Variants in RALA observed in about 807,000 individuals in gnomAD.
RALA encodes the protein RAS like proto-oncogene A.
RALA carries 5 observed loss-of-function variants against 24.0 expected under a neutral mutation model. The ratio of observed to expected loss-of-function variants is 0.21; its 90% CI spans 0.11 to 0.44. RALA has a LOEUF of 0.44. RALA is among the 20% of genes least tolerant of loss of function. The pLI is 0.99. For synonymous variants in RALA, 77 were observed against 83.8 expected, an observed-to-expected ratio of 0.92 and a Z score of 0.44; for missense variants, 95 against 241.2, an observed-to-expected ratio of 0.39 and a Z score of 4.01.
At chr7:39,696,205 A>G (rs940996633) in intron 3 of RALA, among the ~76,000 whole-genome samples, 9 of 152,204 alleles carry the variant, frequency 5.9e-5, no homozygotes, top group Admixed American at 5.9e-4. Context: ...TTGGGTTTTG[A>G]AAAACAATTG....
At position 39,678,366 on chromosome 7, in the gene RALA, C is replaced by A. The variant is rs146391114; in HGVS notation, c.-37-8265C>A. 3.9e-4 allele frequency among the ~76,000 whole-genome samples: 59 copies of A among 152,252 alleles called. 1 individual carries two copies. The East Asian group carries it at 0.011, about 28-fold the overall frequency. ...ATACAAGGGCAGGATTCCATAGCCT[C>A]AGCACCTAGCACAGTGCCTTACGTA... On this transcript the variant is annotated intron_variant, in intron 1 of 4. Coordinates refer to ENST00000005257, the MANE Select transcript of RALA (RefSeq NM_005402.4).
In RALA at chr7:39,687,673, T is replaced by C. The variant is rs1752202577; in HGVS notation, c.114+892T>C. Among the ~76,000 whole-genome samples, 2 of 152,204 alleles carry C rather than the reference T, an allele frequency of 1.3e-5. 1 individual carries two copies. The highest frequency in any genetic ancestry group is 3.9e-4 in the East Asian group (2 of 5,190). Reference sequence around the variant, plus strand: ...CAAGTCTTAATGATTTAAGAGTTGGTAATCCAATGTAAGCATTTATCCTCA... The same window carrying C: ...CAAGTCTTAATGATTTAAGAGTTGGCAATCCAATGTAAGCATTTATCCTCA... On this transcript the variant is annotated intron_variant, in intron 2 of 4. Transcript: ENST00000005257.
rs1388747981 is a variant in RALA at position 39,674,090 on chromosome 7, A to G, written c.-37-12541A>G. 6.3e-4 allele frequency among the ~76,000 whole-genome samples: 87 copies of G among 137,466 alleles called. 2 individuals are homozygous for G. Among genetic ancestry groups the G allele is most frequent in the Non-Finnish European group, 6.5e-5 (4 of 61,428 alleles). The allele number at this position is 137,466 out of a possible 152,430, so 90.2% of individuals were successfully genotyped here. On this transcript the variant is annotated intron_variant, in intron 1 of 4. Transcript: ENST00000005257. ...ATAAATAAATAAATAAATAAATAAAAGGTTGAGGGGGGGTGGTCTTACTCT... is the reference window on the plus strand; with the variant it reads ...ATAAATAAATAAATAAATAAATAAAGGGTTGAGGGGGGGTGGTCTTACTCT...
chr7:39,640,298 A>G (rs1791790045), intron 1 of RALA, among the ~76,000 whole-genome samples: 2 of 152,192 alleles, frequency 1.3e-5, no homozygotes, highest in African/African-American at 2.4e-5. Flanking sequence ...TGGCCTCCCA[A>G]AGTGCTGGGA....
intron 4 of RALA, chr7:39,700,466 G>A (rs183667311): frequency 4.6e-5 from 7 of 152,438 alleles, no homozygotes; most frequent in African/African-American, 9.6e-5. Context: ...ATGTGTGCTA[G>A]TTTAGGCTTC....
intron 1 of RALA, among the ~76,000 whole-genome samples, chr7:39,625,071 T>C (rs538372452): frequency 1.3e-5 from 2 of 152,312 alleles, no homozygotes; most frequent in East Asian, 1.9e-4. Flanking sequence ...TATGACTGTT[T>C]CTATGCAGTA....
rs891010530 is a variant in RALA, at chr7:39,706,506, TTTC to T, written c.*264_*266del. 1.5e-5 allele frequency: 4 copies of T among 269,390 alleles called. No individual in the cohort carries two copies. The highest frequency in any genetic ancestry group is 9.0e-5 in the African/African-American group (4 of 44,478). The allele number at this position is 269,390 out of a possible 1,614,324, so 16.7% of individuals were successfully genotyped here. A position where few individuals can be genotyped will look rare whatever the true frequency, so the allele number is the denominator to read the frequency against. On this transcript the variant is annotated 3_prime_UTR_variant, in exon 5 of 5. Coordinates refer to ENST00000005257, the MANE Select transcript of RALA (RefSeq NM_005402.4). ...CCTGAATGTAGCGTGTAAGCTTGTG[TTTC>T]TTGGGCAGTCTTTCTTGAAATTGAA... is the stretch of plus-strand genomic sequence containing the variant.
chr7:39,635,765 T>A (rs1363696147), intron 1 of RALA, among the ~76,000 whole-genome samples: 3 of 152,196 alleles, frequency 2.0e-5, no homozygotes, highest in African/African-American at 7.2e-5. Flanking sequence ...TATGAGAATC[T>A]AATGCCACCA....
At chr7:39,647,905 G>A (rs1324588236) in intron 1 of RALA, among the ~76,000 whole-genome samples, 1 of 152,176 alleles carries the variant, frequency 6.6e-6, no homozygotes, top group East Asian at 1.9e-4. Flanking sequence ...CTGCTTTTCA[G>A]TGTTATTATT....
chr7:39,681,326 T>TTTTTTTTTTTTTTA (rs1279349260), intron 1 of RALA, among the ~76,000 whole-genome samples: 1 of 119,206 alleles, frequency 8.4e-6, no homozygotes, highest in Non-Finnish European at 1.8e-5. Context: ...TTTTTTTTTT[T>TTTTTTTTTTTTTTA]TTTTTTTTTG....
At position 39,696,786 on chromosome 7, in the gene RALA, C is replaced by CA. The variant is rs2116098779; in HGVS notation, c.431dup (p.Asn144LysfsTer4). On this transcript the variant is annotated frameshift_variant, in exon 4 of 5. Coordinates refer to ENST00000005257, the MANE Select transcript of RALA (RefSeq NM_005402.4). LOFTEE classifies it high-confidence loss of function. The stretch of plus-strand genomic sequence containing the variant: ...AAAAGACAGGTTTCTGTAGAAGAGG[C>CA]AAAAAACAGAGCTGAGCAGTGGAAT... 6.2e-7 allele frequency: 1 copy of CA among 1,612,954 alleles called. No homozygotes were observed. The highest frequency in any genetic ancestry group is 8.5e-7 in the Non-Finnish European group (1 of 1,179,544).
In RALA at chr7:39,699,140, T is replaced by TTA. The variant is rs1219173285; in HGVS notation, c.498+2282_498+2283insAT. 1.3e-4 allele frequency among the ~76,000 whole-genome samples: 16 copies of TTA among 127,054 alleles called. 1 individual carries two copies. The highest frequency in any genetic ancestry group is 3.4e-5 in the Non-Finnish European group (2 of 59,398). 83.4% of individuals were successfully genotyped at this position (127,054 alleles called of 152,430 possible). A position where few individuals can be genotyped will look rare whatever the true frequency, so the allele number is the denominator to read the frequency against. ...AATGTTATTTTTTTTTTTTTTTTTTTTTTTTTTTTTTGAGACGGAGTCTCG... is the reference window on the plus strand; with the variant it reads ...AATGTTATTTTTTTTTTTTTTTTTTTTATTTTTTTTTTTGAGACGGAGTCTCG... On this transcript the variant is annotated intron_variant, in intron 4 of 4. Transcript: ENST00000005257.
chr7:39,632,182 C>T (rs1028645380), intron 1 of RALA, among the ~76,000 whole-genome samples: 3 of 152,232 alleles, frequency 2.0e-5, no homozygotes, highest in Non-Finnish European at 4.4e-5. Context: ...TACATTTCAA[C>T]ATGAAACTTG....
At chr7:39,695,358 T>A (rs901101622) in intron 3 of RALA, among the ~76,000 whole-genome samples, 3 of 152,104 alleles carry the variant, frequency 2.0e-5, no homozygotes. Flanking sequence ...ATGTAAATAG[T>A]TGTTATTCTG....
At chr7:39,691,953 A>G (rs911128283) in intron 3 of RALA, among the ~76,000 whole-genome samples, 1 of 152,208 alleles carries the variant, frequency 6.6e-6, no homozygotes, top group African/African-American at 2.4e-5. Flanking sequence ...TGATATTTCA[A>G]GAGAATAAGG....
intron 1 of RALA, among the ~76,000 whole-genome samples, chr7:39,651,966 A>T (rs1451770660): frequency 6.6e-6 from 1 of 152,190 alleles, no homozygotes; most frequent in Admixed American, 6.5e-5. Context: ...GTCTCAGTCC[A>T]TTTCCTGCTG....
intron 1 of RALA, among the ~76,000 whole-genome samples, chr7:39,672,689 A>C (rs1792411833): frequency 6.6e-6 from 1 of 151,496 alleles, no homozygotes; most frequent in Admixed American, 6.6e-5. Context: ...TACATGCAAC[A>C]ATATTTGTGT....
In RALA at chr7:39,706,404, C is replaced by T. The variant is rs1793120787; in HGVS notation, c.*159C>T. ...GGAACTGCAATGAAAGTCAAATTTACTTTAAAAAGAAATTAATATGGCTTC... is the reference window on the plus strand; with the variant it reads ...GGAACTGCAATGAAAGTCAAATTTATTTTAAAAAGAAATTAATATGGCTTC... On this transcript the variant is annotated 3_prime_UTR_variant, in exon 5 of 5. Transcript: ENST00000005257. 4.1e-6 allele frequency: 3 copies of T among 737,466 alleles called. No individual in the cohort carries two copies. The highest frequency in any genetic ancestry group is 6.4e-6 in the Non-Finnish European group (3 of 465,132). 45.7% of individuals were successfully genotyped at this position (737,466 alleles called of 1,614,324 possible). A position where few individuals can be genotyped will look rare whatever the true frequency, so the allele number is the denominator to read the frequency against.
At chr7:39,668,819 GA>G (rs964277704) in intron 1 of RALA, among the ~76,000 whole-genome samples, 2 of 140,270 alleles carry the variant, frequency 1.4e-5, no homozygotes, top group Non-Finnish European at 3.1e-5. Context: ...AAAAAGAAAA[GA>G]AAAGATAAAG....
Sources: gnomAD v4.1 joint callset for allele counts (sites outside exome capture counted in the v4.1 genomes callset) on GRCh38, gnomAD v4.1.1 for gene constraint, MANE v1.5 for transcripts, NCBI Gene and HGNC (gene_info 2026-07-23, HGNC 2026-07-21) for gene names.